Variants in HOMER1 observed in about 807,000 individuals in gnomAD.
HOMER1 encodes homer scaffold protein 1.
A neutral mutation model predicts 48.9 loss-of-function variants in HOMER1; 3 were observed. That is an observed-to-expected ratio of 0.06 (90% CI 0.03 to 0.16). The LOEUF is 0.16. Among genes scored for constraint, HOMER1 ranks in the 10% least tolerant of loss-of-function variants. The probability of loss-of-function intolerance (pLI) is 1.00; values close to 1 mark genes in which losing one functional copy is unlikely to be tolerated. For missense variants in HOMER1, 247 were observed against 411.4 expected, an observed-to-expected ratio of 0.60 and a Z score of 3.46; for synonymous variants, 134 against 146.4, an observed-to-expected ratio of 0.92 and a Z score of 0.61.
intron 5 of HOMER1, among the ~76,000 whole-genome samples, chr5:79,433,290 C>T (rs1286848094): frequency 1.3e-5 from 2 of 152,222 alleles, no homozygotes; most frequent in South Asian, 2.1e-4. Flanking sequence ...CAGGGCTGGG[C>T]GTGGTGGCTC....
intron 4 of HOMER1, among the ~76,000 whole-genome samples, chr5:79,443,889 T>C (rs1001314542): frequency 6.6e-6 from 1 of 152,224 alleles, no homozygotes; most frequent in Non-Finnish European, 1.5e-5. Flanking sequence ...AATGTAATAC[T>C]CATGTTATAA....
At chr5:79,416,493 C>T (rs943139248) in intron 5 of HOMER1, among the ~76,000 whole-genome samples, 1 of 152,172 alleles carries the variant, frequency 6.6e-6, no homozygotes, top group African/African-American at 2.4e-5. Context: ...TTTTTATTTG[C>T]TACAATGGAG....
chr5:79,497,303 T>C (rs1204823162), intron 1 of HOMER1, among the ~76,000 whole-genome samples: 2 of 151,948 alleles, frequency 1.3e-5, no homozygotes, highest in African/African-American at 4.8e-5. Flanking sequence ...TTAAAAGTAA[T>C]CAGGTTTAAA....
chr5:79,377,158 G>T (rs1748793489), intron 8 of HOMER1, among the ~76,000 whole-genome samples: 1 of 152,106 alleles, frequency 6.6e-6, no homozygotes. Context: ...TAGAGACGGG[G>T]TTTCACCATG....
At chr5:79,493,932 C>A (rs1752355288) in intron 1 of HOMER1, among the ~76,000 whole-genome samples, 1 of 152,164 alleles carries the variant, frequency 6.6e-6, no homozygotes, top group East Asian at 1.9e-4. Context: ...CACTTCATGG[C>A]AATTTGATTT....
chr5:79,444,317 C>T (rs551017575), intron 4 of HOMER1, among the ~76,000 whole-genome samples: 1 of 152,298 alleles, frequency 6.6e-6, no homozygotes, highest in South Asian at 2.1e-4. Context: ...AGTCCTCCCA[C>T]CTTAGCCTCA....
rs113982334 is a variant in HOMER1, at chr5:79,494,818, A to G, written c.5+17952T>C. Among the ~76,000 whole-genome samples the G allele has an allele frequency of 1.8e-3, 267 of 152,330 alleles. 2 individuals carry two copies. The highest frequency in any genetic ancestry group is 6.1e-3 in the African/African-American group (253 of 41,576). On this transcript the variant is annotated intron_variant, in intron 1 of 8. Transcript: ENST00000334082. ...CAGGAGAAGGAGGTTGCAGTGAGGC[A>G]AGATCGTGCCATTGCACTCCAGCCT...
intron 2 of HOMER1, among the ~76,000 whole-genome samples, chr5:79,451,742 A>AT (rs953503817): frequency 2.0e-5 from 3 of 150,438 alleles, no homozygotes; most frequent in East Asian, 2.0e-4. Context: ...ACTTTTTTGT[A>AT]TTTTTTTTAG....
intron 2 of HOMER1, among the ~76,000 whole-genome samples, chr5:79,455,055 C>T (rs1751132540): frequency 6.6e-6 from 1 of 151,978 alleles, no homozygotes; most frequent in Non-Finnish European, 1.5e-5. Flanking sequence ...AGCTCCAGCC[C>T]CAGTCTCCTG....
chr5:79,494,414 C>A (rs1160156427), intron 1 of HOMER1, among the ~76,000 whole-genome samples: 1 of 152,168 alleles, frequency 6.6e-6, no homozygotes, highest in Admixed American at 6.5e-5. Flanking sequence ...AATGGCTGAC[C>A]AAGGCAATCT....
At chr5:79,395,997 T>C (rs1292382513) in intron 8 of HOMER1, among the ~76,000 whole-genome samples, 3 of 152,160 alleles carry the variant, frequency 2.0e-5, no homozygotes, top group Admixed American at 1.3e-4. Flanking sequence ...TCTATACATA[T>C]ACTTATTTCT....
intron 1 of HOMER1, among the ~76,000 whole-genome samples, chr5:79,476,292 T>C (rs540013936): frequency 2.1e-4 from 32 of 152,148 alleles, no homozygotes; most frequent in Non-Finnish European, 3.7e-4. Context: ...ACCACAACAA[T>C]GAACACAAAC....
In HOMER1 at chr5:79,396,923, G is replaced by C. The variant is rs762638105; in HGVS notation, c.796-20C>G. On this transcript the variant is annotated intron_variant, in intron 7 of 8. Transcript: ENST00000334082. Reference sequence around the variant, plus strand: ...TATTTCCTAGAAAAGACAGAGCAATGTCTTAACATTCAAACTATATCAAGG... The same window carrying C: ...TATTTCCTAGAAAAGACAGAGCAATCTCTTAACATTCAAACTATATCAAGG... The C allele has an allele frequency of 1.5e-6, 2 of 1,364,572 alleles. No homozygotes were observed. The highest frequency in any genetic ancestry group is 1.2e-5 in the South Asian group (1 of 83,526). 84.5% of individuals were successfully genotyped at this position (1,364,572 alleles called of 1,614,324 possible). A position where few individuals can be genotyped will look rare whatever the true frequency, so the allele number is the denominator to read the frequency against.
At chr5:79,422,719 T>C (rs923551621) in intron 5 of HOMER1, among the ~76,000 whole-genome samples, 1 of 152,020 alleles carries the variant, frequency 6.6e-6, no homozygotes, top group Admixed American at 6.6e-5. Flanking sequence ...TAGACTTCTA[T>C]ACACTATACC....
chr5:79,428,104 T>C (rs2112258977), intron 5 of HOMER1, among the ~76,000 whole-genome samples: 1 of 152,334 alleles, frequency 6.6e-6, no homozygotes, highest in Non-Finnish European at 1.5e-5. Context: ...AGTTCATTTT[T>C]CCTTTAAAAT....
chr5:79,505,613 A>G (rs1752745486), intron 1 of HOMER1, among the ~76,000 whole-genome samples: 1 of 152,216 alleles, frequency 6.6e-6, no homozygotes, highest in South Asian at 2.1e-4. Flanking sequence ...AAAGAACATT[A>G]AAATAAGATG....
intron 5 of HOMER1, among the ~76,000 whole-genome samples, chr5:79,426,496 C>T (rs969789419): frequency 4.0e-5 from 6 of 151,874 alleles, no homozygotes; most frequent in Non-Finnish European, 7.4e-5. Context: ...TCATTTGCAA[C>T]AACATGAATG....
At chr5:79,383,150 TAGAG>T (rs985516542) in intron 8 of HOMER1, among the ~76,000 whole-genome samples, 1 of 152,250 alleles carries the variant, frequency 6.6e-6, no homozygotes, top group African/African-American at 2.4e-5. Flanking sequence ...TATATAATGA[TAGAG>T]AGATCAATCC....
intron 1 of HOMER1, among the ~76,000 whole-genome samples, chr5:79,505,936 C>A (rs1042330379): frequency 2.0e-5 from 3 of 152,006 alleles, no homozygotes; most frequent in Admixed American, 2.0e-4. Context: ...ACGCAAGAGC[C>A]ATACTGGCTT....
Sources: gnomAD v4.1 joint callset for allele counts (sites outside exome capture counted in the v4.1 genomes callset) on GRCh38, gnomAD v4.1.1 for gene constraint, MANE v1.5 for transcripts, NCBI Gene and HGNC (gene_info 2026-07-23, HGNC 2026-07-21) for gene names.